The following METTL25 variants were observed in gnomAD, a reference collection of about 807,000 sequenced individuals.
METTL25 encodes the protein probable methyltransferase-like protein 25.
In METTL25, 64 loss-of-function variants were observed where a neutral mutation model predicts 71.6. The observed-to-expected ratio is 0.89, with a 90% CI of 0.73 to 1.10. METTL25 has a LOEUF of 1.10. Among genes scored for constraint, METTL25 ranks in the 50% least tolerant of loss-of-function variants. The pLI is 0.00. For missense variants in METTL25, 807 were observed against 707.0 expected (o/e 1.14, Z -1.60); for synonymous variants, 287 against 250.3 (o/e 1.15, Z -1.38).
At chr12:82,380,730 G>A (rs1259630068) in intron 1 of METTL25, among the ~76,000 whole-genome samples, 1 of 152,228 alleles carries the variant, frequency 6.6e-6, no homozygotes, top group African/African-American at 2.4e-5. Flanking sequence ...GGATACAGCA[G>A]TGAATAAAAA....
intron 4 of METTL25, among the ~76,000 whole-genome samples, 183 bp downstream of exon 4, chr12:82,399,577 A>G (rs545179515): frequency 3.8e-4 from 58 of 152,334 alleles, no homozygotes; most frequent in African/African-American, 1.1e-3. Context: ...CCTGTTCAGA[A>G]TAGAGTATCC....
intron 4 of METTL25, among the ~76,000 whole-genome samples, chr12:82,401,018 T>A (rs755219821): frequency 3.9e-5 from 6 of 152,178 alleles, no homozygotes; most frequent in Admixed American, 6.5e-5. Flanking sequence ...TATTTTTTAC[T>A]GATGACATCA....
chr12:82,397,948 A>G (rs1277391380), intron 3 of METTL25, among the ~76,000 whole-genome samples: 2 of 151,846 alleles, frequency 1.3e-5, no homozygotes, highest in Non-Finnish European at 2.9e-5. Context: ...TGTTTTCATT[A>G]TTTTAGGCAT....
intron 5 of METTL25, among the ~76,000 whole-genome samples, chr12:82,408,195 A>G (rs1471077281): frequency 6.6e-6 from 1 of 152,182 alleles, no homozygotes; most frequent in Non-Finnish European, 1.5e-5. Flanking sequence ...AGAATTCTAC[A>G]GGATGACTTA....
At chr12:82,414,537 A>G (rs1469707846) in intron 5 of METTL25, among the ~76,000 whole-genome samples, 1 of 152,174 alleles carries the variant, frequency 6.6e-6, no homozygotes, top group African/African-American at 2.4e-5. Flanking sequence ...ATTCAGCATA[A>G]AAAAGTTCTC....
intron 9 of METTL25, among the ~76,000 whole-genome samples, chr12:82,471,387 C>G (rs1892560175): frequency 1.3e-5 from 2 of 152,204 alleles, no homozygotes; most frequent in Admixed American, 1.3e-4. Flanking sequence ...GCCCTATTCT[C>G]TATACCTTTC....
At chr12:82,407,006 C>T (rs1390179641) in intron 5 of METTL25, among the ~76,000 whole-genome samples, 1 of 151,644 alleles carries the variant, frequency 6.6e-6, no homozygotes, top group Admixed American at 6.6e-5. Context: ...TATTCTTGCT[C>T]ATGTCTTTCA....
At chr12:82,476,115 A>G (rs551915509) in intron 9 of METTL25, among the ~76,000 whole-genome samples, 2 of 152,236 alleles carry the variant, frequency 1.3e-5, no homozygotes, top group East Asian at 3.9e-4. Context: ...CCTGCTAAAT[A>G]CAAGAGTTCA....
intron 2 of METTL25, among the ~76,000 whole-genome samples, chr12:82,387,474 A>G (rs1885151273): frequency 6.6e-6 from 1 of 152,092 alleles, no homozygotes; most frequent in Non-Finnish European, 1.5e-5. Flanking sequence ...CATGCCAATT[A>G]AAAGGCAGAG....
At chr12:82,406,693 T>C (rs1241180043) in intron 5 of METTL25, among the ~76,000 whole-genome samples, 1 of 152,156 alleles carries the variant, frequency 6.6e-6, no homozygotes, top group Non-Finnish European at 1.5e-5. Flanking sequence ...TTGTTTTCTT[T>C]ATCATCAAAC....
In METTL25 at chr12:82,386,675, A is replaced by C. The variant is rs565573124; in HGVS notation, c.260-128A>C. 2.9e-5 allele frequency: 23 copies of C among 784,752 alleles called. No homozygotes were observed. In the South Asian group the frequency reaches 4.3e-4, roughly 15 times the overall value. The allele number at this position is 784,752 out of a possible 1,614,324, so 48.6% of individuals were successfully genotyped here. ...AAATGGAGCCATTAGATATATTGCC[A>C]AAATTCACAACAAAATGAAAATATT... On this transcript the variant is annotated intron_variant, in intron 1 of 11. Transcript: ENST00000248306.
At chr12:82,383,929 T>C (rs1884702805) in intron 1 of METTL25, among the ~76,000 whole-genome samples, 1 of 152,144 alleles carries the variant, frequency 6.6e-6, no homozygotes, top group South Asian at 2.1e-4. Context: ...CTCCTGCCTC[T>C]TTCCTTCCCT....
chr12:82,465,330 T>G (rs1420261959), intron 9 of METTL25, among the ~76,000 whole-genome samples: 1 of 152,096 alleles, frequency 6.6e-6, no homozygotes, highest in Non-Finnish European at 1.5e-5. Flanking sequence ...TTGAATTTTA[T>G]CAAATGCTTT....
chr12:82,479,213 A>C lies in METTL25; in HGVS notation c.*189A>C. ...CATTGTCAAAGCATACATTAATAAA[A>C]GAAGAACCTGTCATAATAATATAAA... On this transcript the variant is annotated 3_prime_UTR_variant, in exon 12 of 12. Transcript: ENST00000248306. The C allele has an allele frequency of 2.0e-6, 1 of 493,168 alleles. No homozygotes were observed. Among genetic ancestry groups the C allele is most frequent in the South Asian group, 3.3e-5 (1 of 29,940 alleles). The allele number at this position is 493,168 out of a possible 1,614,324, so 30.5% of individuals were successfully genotyped here.
chr12:82,407,716 C>A, intron 5 of METTL25: 1 of 629,474 alleles, frequency 1.6e-6, no homozygotes, highest in Non-Finnish European at 2.0e-6. Flanking sequence ...CCCTCAAATA[C>A]TTCGGAGGTC....
intron 9 of METTL25, 131 bp from the exon 10 acceptor site, chr12:82,476,513 T>C (rs1892888269): frequency 1.5e-6 from 1 of 651,328 alleles, no homozygotes; most frequent in Non-Finnish European, 2.7e-6. Flanking sequence ...ATGAATATCC[T>C]TAGAGCGAGT....
chr12:82,364,221 C>G (rs942689584), intron 1 of METTL25, among the ~76,000 whole-genome samples: 2 of 152,128 alleles, frequency 1.3e-5, no homozygotes, highest in African/African-American at 2.4e-5. Context: ...TTGCTGAAGG[C>G]TTGATTGAGG....
rs765584351 is a variant in METTL25, at chr12:82,438,751, C to T, written c.1438C>T (p.Leu480Phe). 6.5e-6 allele frequency: 10 copies of T among 1,539,240 alleles called. No individual in the cohort carries two copies. Among genetic ancestry groups the T allele is most frequent in the Non-Finnish European group, 8.8e-6 (10 of 1,133,942 alleles). Reference protein sequence around the residue: ...PTESLFYRAVLQDIIKDCYGI... With the variant: ...PTESLFYRAVFQDIIKDCYGI... ...TGAATCACTCTTCTATCGTGCTGTT[C>T]TTCAGGATATTATTAAAGATTGTTA... is the stretch of plus-strand genomic sequence containing the variant. Residue 480 changes from leucine to phenylalanine, a missense_variant, in exon 8 of 12, where the codon CTT (leucine) becomes TTT (phenylalanine). By Grantham distance (22) the Leu-to-Phe change is conservative. Transcript: ENST00000248306.
intron 1 of METTL25, among the ~76,000 whole-genome samples, chr12:82,379,163 G>A (rs1884180471): frequency 6.6e-6 from 1 of 152,142 alleles, no homozygotes; most frequent in Non-Finnish European, 1.5e-5. Flanking sequence ...AGTAGCAGTG[G>A]CAGTGACTAA....
Sources: allele counts gnomAD v4.1 joint callset (sites outside exome capture counted in the v4.1 genomes callset), GRCh38; gene constraint gnomAD v4.1.1; transcripts MANE v1.5; gene names NCBI Gene and HGNC (gene_info 2026-07-23, HGNC 2026-07-21).